CSF2RA: variants seen among roughly 807,000 people sequenced by gnomAD.
The protein encoded by CSF2RA is granulocyte-macrophage colony-stimulating factor receptor subunit alpha.
Under a neutral mutation model 51.6 loss-of-function variants are expected in CSF2RA, and 42 were observed. That is an observed-to-expected ratio of 0.81 (90% CI 0.64 to 1.05). The LOEUF is 1.05. CSF2RA is among the 50% of genes least tolerant of loss of function. The probability of loss-of-function intolerance (pLI) is 0.00; values close to 1 mark genes in which losing one functional copy is unlikely to be tolerated. For missense variants in CSF2RA, 530 were observed against 501.1 expected, an observed-to-expected ratio of 1.06 and a Z score of -0.55; for synonymous variants, 222 against 193.0, an observed-to-expected ratio of 1.15 and a Z score of -1.24.
At chrX:1,286,350 C>G (rs62603278) in intron 4 of CSF2RA, among the ~76,000 whole-genome samples, 31,264 of 151,522 alleles carry the variant, frequency 0.21, 3,340 homozygotes, top group South Asian at 0.28. Context: ...AGGTGGATCA[C>G]CTGAGGTCAG....
chrX:1,309,247 C>A (rs3922510), intron 12 of CSF2RA, among the ~76,000 whole-genome samples, 155 bp from the exon 13 acceptor site: 1 of 151,728 alleles, frequency 6.6e-6, no homozygotes, highest in Non-Finnish European at 1.5e-5. Flanking sequence ...CCCGGGAGGC[C>A]GAGGTTGCAG....
At chrX:1,280,403 G>A (rs753283205) in intron 2 of CSF2RA, among the ~76,000 whole-genome samples, 42 of 151,250 alleles carry the variant, frequency 2.8e-4, no homozygotes, top group African/African-American at 8.0e-4. Context: ...CCCGGGAGGC[G>A]GAGGTTGCAG....
downstream of CSF2RA, among the ~76,000 whole-genome samples, chrX:1,310,551 C>G (rs1263069433): frequency 6.6e-6 from 1 of 150,672 alleles, no homozygotes; most frequent in African/African-American, 2.5e-5. Flanking sequence ...GCCTGTAGTC[C>G]CAGCTACTCG....
chrX:1,301,896 G>GTGC (rs1246435346), intron 10 of CSF2RA, among the ~76,000 whole-genome samples: 1 of 132,472 alleles, frequency 7.5e-6, no homozygotes, highest in Non-Finnish European at 1.6e-5. Flanking sequence ...GTGAGCCACC[G>GTGC]TGCCCGGCCC....
chrX:1,302,349 C>G (rs1439146755), intron 10 of CSF2RA, among the ~76,000 whole-genome samples: 8 of 152,018 alleles, frequency 5.3e-5, no homozygotes, highest in African/African-American at 1.9e-4. Flanking sequence ...GTTTTCACCT[C>G]AACAAAGGGT....
intron 2 of CSF2RA, among the ~76,000 whole-genome samples, chrX:1,280,975 TGC>T (rs1194917683): frequency 6.8e-5 from 8 of 117,382 alleles, no homozygotes; most frequent in African/African-American, 2.6e-4. Flanking sequence ...CTCCTCCTCC[TGC>T]TTCTCCTCCT....
Position 1,274,812 on chromosome X carries a change from G to A in CSF2RA, c.-33G>A, listed in dbSNP as rs1194639083. ...TCCGAGAAGCGGCGATGTTTGCGTA[G>A]AACCCTGTACGTGCTTCCTTCGGCC... On this transcript the variant is annotated 5_prime_UTR_variant, in exon 2 of 13. An upstream open reading frame in the 5' UTR loses its in-frame stop. Coordinates refer to ENST00000381529, the MANE Select transcript of CSF2RA (RefSeq NM_172245.4). 1.8e-5 allele frequency: 8 copies of A among 453,470 alleles called. No homozygotes were observed. The highest frequency in any genetic ancestry group is 1.4e-4 in the Admixed American group (6 of 42,448). The allele number at this position is 453,470 out of a possible 1,614,324, so 28.1% of individuals were successfully genotyped here.
intron 5 of CSF2RA, 31 bp downstream of exon 5, chrX:1,288,673 A>G: frequency 6.2e-7 from 1 of 1,613,958 alleles, no homozygotes; most frequent in Non-Finnish European, 8.5e-7. Flanking sequence ...ATCCGTTTAC[A>G]GCACTGGCCC....
At chrX:1,296,113 T>A (rs2091926625) in intron 9 of CSF2RA, among the ~76,000 whole-genome samples, 1 of 150,140 alleles carries the variant, frequency 6.7e-6, no homozygotes. Flanking sequence ...TCACCACACC[T>A]AGCATAAACC....
At chrX:1,314,497 G>GCCCAATCCCACTGCA (rs1569514893), downstream of CSF2RA, among the ~76,000 whole-genome samples, 14 of 90,694 alleles carry the variant, frequency 1.5e-4, no homozygotes, top group Non-Finnish European at 2.1e-4. Context: ...ACCCCACTGT[G>GCCCAATCCCACTGCA]CCTGCCCAAC....
intron 7 of CSF2RA, among the ~76,000 whole-genome samples, chrX:1,291,660 C>T (rs1465188334): frequency 6.6e-6 from 1 of 152,122 alleles, no homozygotes; most frequent in Non-Finnish European, 1.5e-5. Flanking sequence ...CCCCACCTCC[C>T]ACCCTGGAAC....
At chrX:1,321,938 C>G in the CSF2RA span, among the ~76,000 whole-genome samples, 1 of 151,908 alleles carries the variant, frequency 6.6e-6, no homozygotes, top group Non-Finnish European at 1.5e-5. Context: ...GAGTTCGAGA[C>G]CAGCCTGACC....
At chrX:1,304,062 A>G in intron 11 of CSF2RA, 43 bp downstream of exon 11, 7 of 1,491,802 alleles carry the variant, frequency 4.7e-6, no homozygotes, top group Middle Eastern at 1.7e-4. Context: ...AAAACAGGCC[A>G]GGCCGGGAGG....
In CSF2RA at chrX:1,272,633, A is replaced by G. The variant is rs868829502; in HGVS notation, c.-90-2122A>G. Among the ~76,000 whole-genome samples the G allele has an allele frequency of 1.6e-4, 23 of 148,182 alleles. 1 individual carries two copies. In the Middle Eastern group the frequency reaches 0.025, roughly 161 times the overall value. The stretch of plus-strand genomic sequence containing the variant: ...CTCCCGAGTAGCTGCGATTACAGGC[A>G]CCCGCCACTACGCCCAGCTAATTTT... On this transcript the variant is annotated intron_variant, in intron 1 of 12. Transcript: ENST00000381529.
intron 2 of CSF2RA, among the ~76,000 whole-genome samples, chrX:1,277,464 T>C (rs1268650644): frequency 6.7e-6 from 1 of 148,988 alleles, no homozygotes; most frequent in Non-Finnish European, 1.5e-5. Context: ...GGTGTGGTGG[T>C]GCGTGCCTGT....
intron 12 of CSF2RA, 45 bp from the exon 13 acceptor site, chrX:1,309,356 GC>G (rs778843565): frequency 7.6e-6 from 12 of 1,578,906 alleles, no homozygotes; most frequent in Non-Finnish European, 1.0e-5. Context: ...TGAGTCCCAG[GC>G]TGAGCTCGTG....
the CSF2RA span, among the ~76,000 whole-genome samples, chrX:1,324,328 T>C: frequency 8.2e-6 from 1 of 121,760 alleles, no homozygotes; most frequent in Non-Finnish European, 1.6e-5. Flanking sequence ...ATCCTGTCTC[T>C]AAGAAAAAGG....
chrX:1,287,545 G>C (rs1461656115), intron 4 of CSF2RA, among the ~76,000 whole-genome samples: 2 of 149,796 alleles, frequency 1.3e-5, no homozygotes, highest in East Asian at 1.9e-4. Context: ...CTGGGTTCAA[G>C]AGATTCTCCT....
intron 8 of CSF2RA, 84 bp from the exon 9 acceptor site, chrX:1,295,343 C>T: frequency 6.4e-7 from 1 of 1,573,162 alleles, no homozygotes; most frequent in Non-Finnish European, 8.8e-7. Flanking sequence ...GGTGCCCACA[C>T]CAGGGGAGAC....
Sources: allele counts gnomAD v4.1 joint callset (sites outside exome capture counted in the v4.1 genomes callset), GRCh38; gene constraint gnomAD v4.1.1; transcripts MANE v1.5; gene names NCBI Gene and HGNC (gene_info 2026-07-23, HGNC 2026-07-21).